The following KANSL1 variants were observed in gnomAD, a reference collection of about 807,000 sequenced individuals.
KANSL1 encodes the protein KAT8 regulatory NSL complex subunit 1, also known as MLL1/MLL complex subunit KANSL1.
In KANSL1, 22 loss-of-function variants were observed where a neutral mutation model predicts 103.6. The observed-to-expected ratio is 0.21, with a 90% CI of 0.15 to 0.30. KANSL1 has a LOEUF of 0.30. Ranked by LOEUF, KANSL1 falls within the 10% of genes least tolerant of loss-of-function variation. The pLI, the probability that KANSL1 is intolerant of heterozygous loss-of-function variation, is 1.00. For synonymous variants in KANSL1, 600 were observed against 527.6 expected, an observed-to-expected ratio of 1.14 and a Z score of -1.88; for missense variants, 1,337 against 1,399.8, an observed-to-expected ratio of 0.96 and a Z score of 0.72.
chr17:46,213,587 C>T (rs529577939), intron 1 of KANSL1, among the ~76,000 whole-genome samples: 10 of 148,782 alleles, frequency 6.7e-5, no homozygotes, highest in Admixed American at 1.3e-4. Context: ...GGATTACAGG[C>T]GTGAGCCACC....
At chr17:46,216,116 G>C (rs563234737) in intron 1 of KANSL1, among the ~76,000 whole-genome samples, 3 of 152,314 alleles carry the variant, frequency 2.0e-5, no homozygotes, top group Admixed American at 6.5e-5. Flanking sequence ...GGAAGCAACT[G>C]TGTATATGGG....
chr17:46,147,535 C>CT (rs965222166), intron 2 of KANSL1, among the ~76,000 whole-genome samples: 31 of 140,540 alleles, frequency 2.2e-4, no homozygotes, highest in African/African-American at 8.1e-4. Context: ...GATCATACCA[C>CT]TAACCCCTCC....
intron 2 of KANSL1, among the ~76,000 whole-genome samples, chr17:46,158,957 G>A (rs531573635): frequency 6.6e-6 from 1 of 152,254 alleles, no homozygotes; most frequent in African/African-American, 2.4e-5. Context: ...CCCCTTTCCA[G>A]GTCCACTCAG....
At chr17:46,151,859 C>A (rs949085523) in intron 2 of KANSL1, among the ~76,000 whole-genome samples, 7 of 152,200 alleles carry the variant, frequency 4.6e-5, no homozygotes, top group East Asian at 1.9e-4. Flanking sequence ...AAATCTACAG[C>A]TTTTCTTTAA....
chr17:46,183,804 T>C (rs1229943998), intron 1 of KANSL1, among the ~76,000 whole-genome samples: 1 of 151,992 alleles, frequency 6.6e-6, no homozygotes, highest in Non-Finnish European at 1.5e-5. Context: ...TCCCAGCTAT[T>C]CAGAAGGCTG....
intron 2 of KANSL1, among the ~76,000 whole-genome samples, chr17:46,150,908 T>C (rs1366445958): frequency 7.2e-6 from 1 of 139,644 alleles, no homozygotes; most frequent in Non-Finnish European, 1.5e-5. Context: ...CTAAGTTAAC[T>C]GCAAGATCCC....
At chr17:46,192,055 C>T (rs111846109) in intron 1 of KANSL1, among the ~76,000 whole-genome samples, 16,908 of 149,796 alleles carry the variant, frequency 0.11, no homozygotes, top group Non-Finnish European at 0.17. Context: ...GTGGCGCCAT[C>T]ATGTCACCCC....
intron 2 of KANSL1, among the ~76,000 whole-genome samples, chr17:46,134,301 G>A (rs916276690): frequency 2.0e-5 from 3 of 152,208 alleles, no homozygotes; most frequent in Non-Finnish European, 4.4e-5. Flanking sequence ...GGAGGCTGAG[G>A]TGGGAGAATC....
intron 2 of KANSL1, among the ~76,000 whole-genome samples, chr17:46,160,176 A>G (rs1379344399): frequency 6.6e-6 from 1 of 152,132 alleles, no homozygotes; most frequent in Admixed American, 6.5e-5. Flanking sequence ...AACCTAAACC[A>G]CCTAACATAC....
rs777045712 is a variant in KANSL1, at chr17:46,032,112, T to G, written c.3025A>C (p.Thr1009Pro). The change falls in exon 14 of 15, where the codon ACT becomes CCT. Residue 1009 changes from threonine (T) to proline (P), a missense_variant. Thr to Pro is a conservative substitution (Grantham distance 38). This residue lies in a region of KANSL1 where 780 missense variants were observed against 923.4 expected (regional missense o/e 0.84). Coordinates refer to ENST00000432791, the MANE Select transcript of KANSL1 (RefSeq NM_015443.4). ...TCCTCACTGGCTAAGTGTCGCGGAG[T>G]GTCCCGAGCCACAGGGGTGAGGGGT... Reference protein sequence around the residue: ...SAPLTPVARDTPRHLASEDTR... With the variant: ...SAPLTPVARDPPRHLASEDTR... The G allele has an allele frequency of 6.2e-6, 10 of 1,613,930 alleles. No homozygotes were observed. Among genetic ancestry groups the G allele is most frequent in the Non-Finnish European group, 6.8e-6 (8 of 1,179,960 alleles).
chr17:46,200,609 G>A (rs938653161), intron 1 of KANSL1, among the ~76,000 whole-genome samples: 2 of 152,124 alleles, frequency 1.3e-5, no homozygotes, highest in African/African-American at 4.8e-5. Flanking sequence ...GGGCATGGTG[G>A]GGGGCACCCG....
intron 1 of KANSL1, among the ~76,000 whole-genome samples, chr17:46,178,174 T>TA (rs1298475660): frequency 1.3e-5 from 2 of 151,938 alleles, no homozygotes; most frequent in Non-Finnish European, 2.9e-5. Flanking sequence ...TTTGACAATG[T>TA]AAAGCAGGGA....
At chr17:46,167,216 G>A (rs975547483) in intron 2 of KANSL1, among the ~76,000 whole-genome samples, 1 of 149,098 alleles carries the variant, frequency 6.7e-6, no homozygotes, top group Non-Finnish European at 1.5e-5. Context: ...CCCAGAAAAT[G>A]AAAAGCAAAT....
intron 2 of KANSL1, among the ~76,000 whole-genome samples, chr17:46,154,611 T>C (rs942940332): frequency 4.6e-5 from 7 of 152,174 alleles, no homozygotes; most frequent in African/African-American, 7.2e-5. Context: ...AGAGAGAGAA[T>C]GAAGGGAAGG....
chr17:46,082,746 G>GCCA (rs1471630346), intron 3 of KANSL1, among the ~76,000 whole-genome samples: 1 of 151,960 alleles, frequency 6.6e-6, no homozygotes, highest in Non-Finnish European at 1.5e-5. Context: ...TCCCCTCTCT[G>GCCA]CCACTTGACT....
chr17:46,199,255 T>G (rs2047715655), intron 1 of KANSL1, among the ~76,000 whole-genome samples: 1 of 152,242 alleles, frequency 6.6e-6, no homozygotes, highest in African/African-American at 2.4e-5. Context: ...TTTTCCCACT[T>G]CTAATTCACC....
chr17:46,031,934 T>C, intron 14 of KANSL1, 113 bp downstream of exon 14: 2 of 1,461,220 alleles, frequency 1.4e-6, no homozygotes, highest in Admixed American at 3.6e-5. Context: ...AGTGCAGCCC[T>C]TTGTCCCTTC....
chr17:46,064,525 C>T (rs2078302949), intron 6 of KANSL1, among the ~76,000 whole-genome samples: 1 of 152,160 alleles, frequency 6.6e-6, no homozygotes, highest in Admixed American at 6.5e-5. Flanking sequence ...ACCAAAACTG[C>T]TCACCAATGT....
chr17:46,147,595 A>G (rs894749033), intron 2 of KANSL1, among the ~76,000 whole-genome samples: 41 of 149,526 alleles, frequency 2.7e-4, no homozygotes, highest in African/African-American at 5.6e-4. Context: ...AAAAAAAAAA[A>G]AGAGAGCGAG....
Sources: gnomAD v4.1 joint callset for allele counts (sites outside exome capture counted in the v4.1 genomes callset) on GRCh38, gnomAD v4.1.1 for gene constraint, gnomAD v4.1.1 regional missense constraint, MANE v1.5 for transcripts, NCBI Gene and HGNC (gene_info 2026-07-23, HGNC 2026-07-21) for gene names.